RYR2: variants seen among roughly 807,000 people sequenced by gnomAD.
RYR2 encodes the protein ryanodine receptor 2.
RYR2 carries 227 observed loss-of-function variants against 601.1 expected under a neutral mutation model. The observed-to-expected ratio is 0.38, with a 90% confidence interval of 0.34 to 0.42. RYR2 has a LOEUF of 0.42. RYR2 is among the 10% of genes least tolerant of loss of function. The probability of loss-of-function intolerance (pLI) is 1.00; values close to 1 mark genes in which losing one functional copy is unlikely to be tolerated. For missense variants in RYR2, 4,646 were observed against 6,156.5 expected (o/e 0.75, Z 8.21); for synonymous variants, 2,223 against 2,175.1 (o/e 1.02, Z -0.61).
chr1:237,362,868 T>C (rs1169834857), intron 4 of RYR2, among the ~76,000 whole-genome samples: 1 of 152,206 alleles, frequency 6.6e-6, no homozygotes, highest in Non-Finnish European at 1.5e-5. Context: ...GTATTCATTC[T>C]ATTTTGTCGT....
chr1:237,120,568 C>T (rs777343051), intron 1 of RYR2, among the ~76,000 whole-genome samples: 3 of 152,182 alleles, frequency 2.0e-5, no homozygotes, highest in Non-Finnish European at 2.9e-5. Context: ...AGCTCTTCCA[C>T]TAAGTAGCTT....
intron 34 of RYR2, among the ~76,000 whole-genome samples, chr1:237,599,780 G>GC (rs1379689473): frequency 7.2e-6 from 1 of 139,642 alleles, no homozygotes. Flanking sequence ...CTGAGCTCCA[G>GC]CCTGGGTGAC....
At chr1:237,470,337 A>G (rs1218055464) in intron 17 of RYR2, among the ~76,000 whole-genome samples, 2 of 152,198 alleles carry the variant, frequency 1.3e-5, no homozygotes, top group African/African-American at 4.8e-5. Flanking sequence ...AGACCCACTC[A>G]GGGACAGGTT....
At chr1:237,148,459 A>G (rs1361784060) in intron 1 of RYR2, among the ~76,000 whole-genome samples, 1 of 150,278 alleles carries the variant, frequency 6.7e-6, no homozygotes, top group Non-Finnish European at 1.5e-5. Flanking sequence ...ACCATGGCAC[A>G]TGTATACCTA....
chr1:237,154,229 A>G (rs753612282), intron 1 of RYR2, among the ~76,000 whole-genome samples: 6 of 152,194 alleles, frequency 3.9e-5, no homozygotes, highest in Non-Finnish European at 8.8e-5. Context: ...TACGTTTCCA[A>G]ACACTCCTAG....
rs1447823671 is a variant in RYR2, at chr1:237,728,407, A to G, written c.10838+1208A>G. Among the ~76,000 whole-genome samples, 4 of 152,204 alleles carry G rather than the reference A, an allele frequency of 2.6e-5. No individual in the cohort carries two copies. In the South Asian group the frequency reaches 6.2e-4, roughly 24 times the overall value. The stretch of plus-strand genomic sequence containing the variant: ...CTTAATATCTAGAACCAGAAATACC[A>G]TTTAACCCAGCAATCCCATGACTGG... On this transcript the variant is annotated intron_variant, in intron 76 of 104. Transcript: ENST00000366574.
At chr1:237,498,010 G>T (rs754772096) in intron 20 of RYR2, among the ~76,000 whole-genome samples, 17 of 151,772 alleles carry the variant, frequency 1.1e-4, no homozygotes, top group Non-Finnish European at 2.2e-4. Flanking sequence ...TAACAGGCTT[G>T]CACCACCATG....
intron 1 of RYR2, among the ~76,000 whole-genome samples, chr1:237,250,637 T>G (rs556139352): frequency 9.4e-4 from 143 of 152,292 alleles, no homozygotes; most frequent in Admixed American, 1.5e-3. Flanking sequence ...ACAGAAGCAG[T>G]TGGAAGAGAA....
chr1:237,494,312 G>T (rs1393196694), intron 19 of RYR2, among the ~76,000 whole-genome samples: 1 of 152,148 alleles, frequency 6.6e-6, no homozygotes, highest in Non-Finnish European at 1.5e-5. Flanking sequence ...CCACTGCTAA[G>T]TCCAAGAGTC....
At position 237,565,933 on chromosome 1, in the gene RYR2, A is replaced by AT. The variant is rs3835524; in HGVS notation, c.3215-629dup. On this transcript the variant is annotated intron_variant, in intron 27 of 104. Transcript: ENST00000366574. The stretch of plus-strand genomic sequence containing the variant: ...CCTAATGTTGGATGCTGACCTTTTT[A>AT]TTTTTCCCCCAGATCTTTTAAATAC... Among the ~76,000 whole-genome samples the AT allele has an allele frequency of 5.3e-3, 797 of 151,672 alleles. 46 individuals are homozygous for AT. The East Asian group carries it at 0.13, about 24-fold the overall frequency.
intron 10 of RYR2, among the ~76,000 whole-genome samples, chr1:237,402,516 T>A (rs1443629130): frequency 6.6e-6 from 1 of 151,758 alleles, no homozygotes; most frequent in Non-Finnish European, 1.5e-5. Context: ...AACTAAAAAA[T>A]AAATAACTTA....
At chr1:237,255,606 G>T (rs919634923) in intron 1 of RYR2, among the ~76,000 whole-genome samples, 3 of 152,106 alleles carry the variant, frequency 2.0e-5, no homozygotes, top group African/African-American at 7.2e-5. Context: ...CTACATATTA[G>T]ATGACATTCA....
chr1:237,087,047 TG>T (rs1263321703), intron 1 of RYR2, among the ~76,000 whole-genome samples: 25 of 152,308 alleles, frequency 1.6e-4, no homozygotes, highest in African/African-American at 5.8e-4. Context: ...CCACTGACCT[TG>T]AGAAAGCAAT....
intron 80 of RYR2, chr1:237,755,140 T>C (rs1405277189): frequency 2.4e-6 from 3 of 1,263,372 alleles, no homozygotes; most frequent in Admixed American, 2.6e-5. Flanking sequence ...ATGTCTGTGT[T>C]GGTTGCTTTT....
chr1:237,654,644 A>C (rs1683071060), intron 52 of RYR2, among the ~76,000 whole-genome samples: 1 of 152,174 alleles, frequency 6.6e-6, no homozygotes. Flanking sequence ...CTGAATATAA[A>C]ATGGCTAAGC....
At chr1:237,317,560 A>T (rs1158711282) in intron 2 of RYR2, among the ~76,000 whole-genome samples, 1 of 152,072 alleles carries the variant, frequency 6.6e-6, no homozygotes, top group African/African-American at 2.4e-5. Context: ...ACACTCATTT[A>T]TTAGGGCCAG....
At chr1:237,324,477 G>C (rs1196816053) in intron 2 of RYR2, among the ~76,000 whole-genome samples, 1 of 152,118 alleles carries the variant, frequency 6.6e-6, no homozygotes, top group Non-Finnish European at 1.5e-5. Context: ...CTGTTTTAAA[G>C]TATACTGTTT....
chr1:237,479,166 C>T (rs987192485), intron 17 of RYR2, among the ~76,000 whole-genome samples: 10 of 152,300 alleles, frequency 6.6e-5, no homozygotes, highest in African/African-American at 2.4e-4. Flanking sequence ...TTCTCATATT[C>T]TCAGGTCTGA....
At position 237,124,232 on chromosome 1, in the gene RYR2, T is replaced by C. The variant is rs528070625; in HGVS notation, c.48+81663T>C. On this transcript the variant is annotated intron_variant, in intron 1 of 104. Coordinates refer to ENST00000366574, the MANE Select transcript of RYR2 (RefSeq NM_001035.3). ...TCCAGGAATTAGGGAAAAGAATTGT[T>C]GCTTATAGACTCTTAGTGTAGGAAG... Among the ~76,000 whole-genome samples, 3 of 152,302 alleles carry C rather than the reference T, an allele frequency of 2.0e-5. No individual in the cohort carries two copies. The East Asian group carries it at 5.8e-4, about 29-fold the overall frequency.
Sources: gnomAD v4.1 joint callset for allele counts (sites outside exome capture counted in the v4.1 genomes callset) on GRCh38, gnomAD v4.1.1 for gene constraint, MANE v1.5 for transcripts, NCBI Gene and HGNC (gene_info 2026-07-23, HGNC 2026-07-21) for gene names.